The following TMEM116 variants were observed in gnomAD, a reference collection of about 807,000 sequenced individuals.
TMEM116 encodes the protein transmembrane protein 116.
A neutral mutation model predicts 44.3 loss-of-function variants in TMEM116; 38 were observed. The observed-to-expected ratio is 0.86, with a 90% CI of 0.66 to 1.12. The LOEUF is 1.12. Among genes scored for constraint, TMEM116 ranks in the 50% most tolerant of loss-of-function variants. TMEM116 has a pLI of 0.00. For synonymous variants in TMEM116, 132 were observed against 144.8 expected, an observed-to-expected ratio of 0.91 and a Z score of 0.64; for missense variants, 354 against 401.7, an observed-to-expected ratio of 0.88 and a Z score of 1.01.
At chr12:111,949,744 C>T (rs2073567789) in intron 4 of TMEM116, among the ~76,000 whole-genome samples, 1 of 152,160 alleles carries the variant, frequency 6.6e-6, no homozygotes, top group South Asian at 2.1e-4. Context: ...ATCCTAAAAT[C>T]TTCTAGGTAC....
chr12:111,932,439 T>C, intron 10 of TMEM116, 147 bp downstream of exon 10: 1 of 691,694 alleles, frequency 1.4e-6, no homozygotes, highest in South Asian at 1.9e-5. Context: ...TTTCACATTC[T>C]TCATAACTGA....
chr12:111,973,737 G>A (rs970090385), intron 4 of TMEM116, among the ~76,000 whole-genome samples: 1 of 151,942 alleles, frequency 6.6e-6, no homozygotes, highest in African/African-American at 2.4e-5. Context: ...GATCACTTGA[G>A]TCCAGGAGTT....
At chr12:111,932,385 T>C (rs1020355499) in intron 10 of TMEM116, among the ~76,000 whole-genome samples, 2 of 152,330 alleles carry the variant, frequency 1.3e-5, no homozygotes, top group Non-Finnish European at 2.9e-5. Flanking sequence ...CTGGAATGCA[T>C]GGAGGTACTT....
At chr12:112,003,565 CT>C in intron 3 of TMEM116, 1 of 391,344 alleles carries the variant, frequency 2.6e-6, no homozygotes. Flanking sequence ...AAGACTCCGT[CT>C]CAAAAAAAAA....
intron 4 of TMEM116, among the ~76,000 whole-genome samples, chr12:111,988,773 C>T (rs1031149313): frequency 1.3e-5 from 2 of 151,958 alleles, no homozygotes; most frequent in African/African-American, 4.8e-5. Flanking sequence ...GGGTGGATCA[C>T]AGGGTCAGGA....
chr12:111,953,210 C>G (rs2073861654), intron 4 of TMEM116, among the ~76,000 whole-genome samples: 1 of 152,212 alleles, frequency 6.6e-6, no homozygotes, highest in Non-Finnish European at 1.5e-5. Flanking sequence ...TCCCTCCAAA[C>G]TTCCCTTGTT....
chr12:111,983,172 T>G (rs886132349), intron 4 of TMEM116, among the ~76,000 whole-genome samples: 2 of 151,738 alleles, frequency 1.3e-5, no homozygotes, highest in African/African-American at 4.8e-5. Flanking sequence ...GCACGGTGGC[T>G]CATGCCTGTA....
intron 1 of TMEM116, chr12:112,005,703 C>A: frequency 5.1e-6 from 5 of 984,818 alleles, no homozygotes; most frequent in Non-Finnish European, 6.0e-6. Flanking sequence ...AAAGGAAGAA[C>A]AAAATGTAGA....
chr12:111,959,996 G>A (rs555586029), intron 4 of TMEM116, among the ~76,000 whole-genome samples: 25 of 152,204 alleles, frequency 1.6e-4, no homozygotes, highest in African/African-American at 5.1e-4. Flanking sequence ...TAGACCAAGC[G>A]GACCTAATAG....
intron 4 of TMEM116, among the ~76,000 whole-genome samples, chr12:111,956,938 T>A (rs1420524737): frequency 1.3e-5 from 2 of 151,604 alleles, no homozygotes; most frequent in African/African-American, 4.8e-5. Flanking sequence ...CGCCACCCCG[T>A]ATAGGAAGTG....
chr12:111,959,165 C>A (rs1170624326), intron 4 of TMEM116, among the ~76,000 whole-genome samples: 1 of 152,200 alleles, frequency 6.6e-6, no homozygotes, highest in African/African-American at 2.4e-5. Flanking sequence ...AGAAACCCTA[C>A]AAGCTAGAAG....
upstream of TMEM116, chr12:112,013,171 G>C: frequency 2.5e-6 from 1 of 400,336 alleles, no homozygotes; most frequent in Non-Finnish European, 4.5e-6. Context: ...GAACTGGGCG[G>C]ACCCGCCGGA....
intron 4 of TMEM116, among the ~76,000 whole-genome samples, chr12:111,946,598 C>CAA (rs1404508494): frequency 1.3e-5 from 2 of 152,202 alleles, no homozygotes; most frequent in African/African-American, 4.8e-5. Context: ...AGTAAACCCA[C>CAA]AACCTTCAGC....
At chr12:112,000,620 A>C in intron 3 of TMEM116, 1 of 362,060 alleles carries the variant, frequency 2.8e-6, no homozygotes, top group East Asian at 8.4e-5. Flanking sequence ...TTACTTACTT[A>C]CTTCCTGAGC....
In TMEM116 at chr12:112,013,073, C is replaced by T. The variant is rs556342875; in HGVS notation, c.-105G>A. On this transcript the variant is annotated 5_prime_UTR_variant, in exon 1 of 11. An upstream start codon of the reference 5' UTR is lost. Coordinates refer to ENST00000552374, the MANE Select transcript of TMEM116 (RefSeq NM_001193531.2). ...AGGAAGAAACGATGGTAGGCCTTGT[C>T]ATCTTCGAAGGAGAGGAAGGACAGC... 5.4e-6 allele frequency: 1 copy of T among 186,436 alleles called. No homozygotes were observed. Among genetic ancestry groups the T allele is most frequent in the Admixed American group, 6.2e-5 (1 of 16,192 alleles). The allele number at this position is 186,436 out of a possible 1,614,324, so 11.5% of individuals were successfully genotyped here.
chr12:112,005,224 C>T, intron 2 of TMEM116, 33 bp downstream of exon 2: 3 of 1,362,158 alleles, frequency 2.2e-6, no homozygotes, highest in Non-Finnish European at 2.8e-6. Context: ...TTTGCTTATA[C>T]TAGTTTAGTT....
chr12:111,947,737 C>CT (rs767851336), intron 4 of TMEM116, among the ~76,000 whole-genome samples: 11 of 152,152 alleles, frequency 7.2e-5, no homozygotes, highest in Admixed American at 1.3e-4. Context: ...GAAAAAGACT[C>CT]TAACAAGTAC....
chr12:111,980,454 A>G (rs1319028711), intron 4 of TMEM116, among the ~76,000 whole-genome samples: 1 of 152,158 alleles, frequency 6.6e-6, no homozygotes, highest in Non-Finnish European at 1.5e-5. Flanking sequence ...AAATTTTAGG[A>G]CCGTGAAACT....
At position 111,979,360 on chromosome 12, in the gene TMEM116, TGTGCTAA is replaced by T. The variant is rs533863629; in HGVS notation, c.210+12391_210+12397del. The stretch of plus-strand genomic sequence containing the variant: ...CAATGTGGATGAAACTTCAAAACAT[TGTGCTAA>T]GTGAAAGAAGCCAGACACAAAATGT... On this transcript the variant is annotated intron_variant, in intron 4 of 10. Coordinates refer to ENST00000552374, the MANE Select transcript of TMEM116 (RefSeq NM_001193531.2). Among the ~76,000 whole-genome samples, 511 of 152,224 alleles carry T rather than the reference TGTGCTAA, an allele frequency of 3.4e-3. 1 individual carries two copies. Among genetic ancestry groups the T allele is most frequent in the African/African-American group, 0.012 (490 of 41,536 alleles).
Sources: gnomAD v4.1 joint callset for allele counts (sites outside exome capture counted in the v4.1 genomes callset) on GRCh38, gnomAD v4.1.1 for gene constraint, MANE v1.5 for transcripts, NCBI Gene and HGNC (gene_info 2026-07-23, HGNC 2026-07-21) for gene names.